DNAH1: variants seen among roughly 807,000 people sequenced by gnomAD.
The protein encoded by DNAH1 is axonemal beta dynein heavy chain 1.
DNAH1 carries 327 observed loss-of-function variants against 484.3 expected under a neutral mutation model. The observed-to-expected ratio is 0.68, with a 90% CI of 0.62 to 0.74. DNAH1 has a LOEUF of 0.74. Among genes scored for constraint, DNAH1 ranks in the 30% least tolerant of loss-of-function variants. The probability of loss-of-function intolerance (pLI) is 0.00; values close to 1 mark genes in which losing one functional copy is unlikely to be tolerated. For missense variants in DNAH1, 5,052 were observed against 5,546.8 expected (o/e 0.91, Z 2.83); for synonymous variants, 2,192 against 2,191.9 (o/e 1.00, Z 0.00).
At position 52,323,821 on chromosome 3, in the gene DNAH1, G is replaced by A; in HGVS notation, c.347G>A (p.Gly116Asp). The change falls in exon 3 of 78, where the codon GGC becomes GAC. Residue 116 changes from glycine (G) to aspartate (D), a missense_variant. Transcript: ENST00000420323. Reference protein sequence around the residue: ...TLDQLGEVCRGPRMSQNLLRQ... With the variant: ...TLDQLGEVCRDPRMSQNLLRQ... ...GTTTGGTTTCAGGAGGTATGTCGTG[G>A]CCCCCGAATGAGCCAGAACCTCCTG... 1 of 1,590,680 alleles carries A rather than the reference G, an allele frequency of 6.3e-7. No individual in the cohort carries two copies. Among genetic ancestry groups the A allele is most frequent in the South Asian group, 1.1e-5 (1 of 87,164 alleles).
chr3:52,388,354 G>C lies in DNAH1; in HGVS notation c.9171+20G>C, dbSNP rs770859407. ...AAGCGGGTGAGGGCTGAGTGGAGCT[G>C]GTGGGGGAGGGCTCCCCTCCCGGGG... On this transcript the variant is annotated intron_variant, in intron 57 of 77. Transcript: ENST00000420323. 1.9e-6 allele frequency: 3 copies of C among 1,600,042 alleles called. No individual in the cohort carries two copies. The highest frequency in any genetic ancestry group is 2.6e-6 in the Non-Finnish European group (3 of 1,172,908).
intron 56 of DNAH1, among the ~76,000 whole-genome samples, chr3:52,387,307 GTC>G (rs1704151371): frequency 6.6e-6 from 1 of 152,060 alleles, no homozygotes. Flanking sequence ...TTCCCTGTCT[GTC>G]TCTGGGTTTC....
intron 57 of DNAH1, 21 bp from the exon 58 acceptor site, chr3:52,388,386 GGCGAGCTAATC>G: frequency 6.2e-7 from 1 of 1,602,966 alleles, no homozygotes; most frequent in Non-Finnish European, 8.5e-7. Flanking sequence ...GGGGGTACTT[GGCGAGCTAATC>G]CTGCGCCCTC....
At chr3:52,322,867 A>G (rs1701200204) in intron 2 of DNAH1, 92 bp downstream of exon 2, 3 of 1,139,582 alleles carry the variant, frequency 2.6e-6, no homozygotes, top group African/African-American at 3.1e-5. Context: ...CAGTCAGTCC[A>G]TCTGTTCATT....
At chr3:52,367,754 G>A (rs1250159584) in intron 36 of DNAH1, among the ~76,000 whole-genome samples, 2 of 152,108 alleles carry the variant, frequency 1.3e-5, no homozygotes, top group African/African-American at 4.8e-5. Context: ...TGTATTTTTA[G>A]TAGAGACAAG....
chr3:52,386,554 C>T (rs1704119153), intron 55 of DNAH1, 108 bp from the exon 56 acceptor site: 2 of 1,327,468 alleles, frequency 1.5e-6, no homozygotes, highest in East Asian at 2.5e-5. Context: ...ATGCCCGTGT[C>T]CTGTGGTAGT....
chr3:52,370,660 C>T (rs1459779080), intron 40 of DNAH1, 25 bp downstream of exon 40: 2 of 1,603,294 alleles, frequency 1.2e-6, no homozygotes, highest in Non-Finnish European at 8.5e-7. Flanking sequence ...CCCCCAGGGA[C>T]CAGGAGCCTC....
At chr3:52,344,708 A>G in intron 9 of DNAH1, 61 bp downstream of exon 9, 1 of 1,532,262 alleles carries the variant, frequency 6.5e-7, no homozygotes, top group Non-Finnish European at 8.8e-7. Context: ...GCCCCCTCCC[A>G]CCTTCCCCTC....
intron 14 of DNAH1, 101 bp from the exon 15 acceptor site, chr3:52,349,888 A>G (rs1009440179): frequency 3.7e-5 from 55 of 1,471,072 alleles, no homozygotes; most frequent in Non-Finnish European, 4.5e-5. Flanking sequence ...TGGAGGGGAC[A>G]GTTACCTGTC....
chr3:52,352,828 G>A (rs1702450616), intron 18 of DNAH1, 121 bp downstream of exon 18: 1 of 1,413,266 alleles, frequency 7.1e-7, no homozygotes, highest in African/African-American at 1.4e-5. Context: ...AGGCTGCAGA[G>A]TGGAGATAGC....
chr3:52,386,550 G>T, intron 55 of DNAH1, 112 bp from the exon 56 acceptor site: 2 of 1,309,158 alleles, frequency 1.5e-6, no homozygotes, highest in Non-Finnish European at 2.1e-6. Context: ...GGATATGCCC[G>T]TGTCCTGTGG....
chr3:52,388,497 T>A lies in DNAH1; in HGVS notation c.9251T>A (p.Val3084Glu). The stretch of plus-strand genomic sequence containing the variant: ...GAGGCAAAACAGCGCCTTCGTGAGG[T>A]GGAGGACGGCATCGCCACAATGCAG... ...LDEAKQRLRE[V>E]EDGIATMQAK... Residue 3084 changes from valine to glutamate, a missense_variant, in exon 58 of 78, where the codon GTG becomes GAG. Val to Glu is a moderately radical substitution (Grantham distance 121). Transcript: ENST00000420323. 1 of 1,612,590 alleles carries A rather than the reference T, an allele frequency of 6.2e-7. No homozygotes were observed.
chr3:52,315,515 GC>G (rs1700921225), upstream of DNAH1, among the ~76,000 whole-genome samples: 1 of 152,212 alleles, frequency 6.6e-6, no homozygotes. Context: ...ATCCTAAGCA[GC>G]CCATCTGCCC....
At chr3:52,314,003 G>A (rs1700873154), upstream of DNAH1, among the ~76,000 whole-genome samples, 1 of 152,224 alleles carries the variant, frequency 6.6e-6, no homozygotes, top group African/African-American at 2.4e-5. Context: ...CAGGCTGGCA[G>A]TCTGGTCCCC....
intron 36 of DNAH1, among the ~76,000 whole-genome samples, chr3:52,367,184 C>T (rs926646593): frequency 1.3e-5 from 2 of 152,214 alleles, no homozygotes; most frequent in African/African-American, 4.8e-5. Flanking sequence ...CTGAGAGAAG[C>T]TGGTGGGCCC....
intron 1 of DNAH1, 109 bp from the exon 2 acceptor site, chr3:52,322,300 A>T (rs537401521): frequency 5.8e-6 from 4 of 695,516 alleles, no homozygotes; most frequent in Non-Finnish European, 9.5e-6. Flanking sequence ...TCTGTTACCC[A>T]TGGGTCATGG....
intron 1 of DNAH1, among the ~76,000 whole-genome samples, chr3:52,319,591 T>C (rs1385710019): frequency 6.6e-6 from 1 of 152,244 alleles, no homozygotes; most frequent in Admixed American, 6.5e-5. Flanking sequence ...CAGGGGGAAC[T>C]GCCCAGAATG....
intron 1 of DNAH1, among the ~76,000 whole-genome samples, chr3:52,319,693 C>T (rs1049983613): frequency 6.6e-5 from 10 of 152,218 alleles, no homozygotes; most frequent in African/African-American, 2.2e-4. Context: ...ACCCATGAGG[C>T]CGCGGCAGGA....
chr3:52,398,049 C>T lies in DNAH1; in HGVS notation c.11976C>T (p.Thr3992=). The T allele has an allele frequency of 6.2e-7, 1 of 1,613,770 alleles. No individual in the cohort carries two copies. The highest frequency in any genetic ancestry group is 8.5e-7 in the Non-Finnish European group (1 of 1,179,814). ...CCCTGCAGATAGTGGAGGACGTCAC[C>T]CAAAACATTCTGCTCAAGGTGCCTG... The part of the protein sequence containing the change: ...QGREEIVEDV[T]QNILLKVPEP... The change falls in exon 75 of 78, where the codon ACC becomes ACT. Residue 3992 remains threonine, a synonymous_variant. Coordinates refer to ENST00000420323, the MANE Select transcript of DNAH1 (RefSeq NM_015512.5).
Sources: allele counts gnomAD v4.1 joint callset (sites outside exome capture counted in the v4.1 genomes callset), GRCh38; gene constraint gnomAD v4.1.1; transcripts MANE v1.5; gene names NCBI Gene and HGNC (gene_info 2026-07-23, HGNC 2026-07-21).